ABCG2: variants seen among roughly 807,000 people sequenced by gnomAD.
The protein encoded by ABCG2 is broad substrate specificity ATP-binding cassette transporter ABCG2.
ABCG2 carries 80 observed loss-of-function variants against 73.5 expected under a neutral mutation model. The ratio of observed to expected loss-of-function variants is 1.09; its 90% CI spans 0.91 to 1.31. ABCG2 has a LOEUF of 1.31. Ranked by LOEUF, ABCG2 falls within the 50% of genes most tolerant of loss-of-function variation. The pLI, the probability that ABCG2 is intolerant of heterozygous loss-of-function variation, is 0.00. For synonymous variants in ABCG2, 269 were observed against 282.4 expected (o/e 0.95, Z 0.48); for missense variants, 796 against 786.2 (o/e 1.01, Z -0.15).
chr4:88,212,443 G>A (rs1578282676), intron 1 of ABCG2, among the ~76,000 whole-genome samples: 1 of 152,032 alleles, frequency 6.6e-6, no homozygotes, highest in African/African-American at 2.4e-5. Context: ...CTCCGAAAAC[G>A]ATCTCCCCAG....
intron 1 of ABCG2, among the ~76,000 whole-genome samples, chr4:88,181,214 A>G (rs1728220112): frequency 6.6e-6 from 1 of 151,634 alleles, no homozygotes. Context: ...AGCCTGGCCA[A>G]CATGGTGAAA....
In ABCG2 at chr4:88,113,472, TAGA is replaced by T; in HGVS notation, c.1022_1024del (p.Phe341del). Reference sequence around the variant, plus strand: ...ATGTAATTCAGCTTTTGTCTCTTTGTAGAAGGAGGAGTTGACATAAATCTCCGC... The same window carrying T: ...ATGTAATTCAGCTTTTGTCTCTTTGTAGGAGGAGTTGACATAAATCTCCGC... On this transcript the variant is annotated inframe_deletion, in exon 9 of 16. Coordinates refer to ENST00000237612, the MANE Select transcript of ABCG2 (RefSeq NM_004827.3). The T allele has an allele frequency of 6.2e-7, 1 of 1,614,148 alleles. No homozygotes were observed.
intron 10 of ABCG2, among the ~76,000 whole-genome samples, chr4:88,104,547 T>C (rs1454501529): frequency 6.6e-6 from 1 of 152,140 alleles, no homozygotes; most frequent in East Asian, 1.9e-4. Context: ...AAATAGCTAA[T>C]GCATACTGGG....
At chr4:88,134,077 C>T (rs973770396) in intron 2 of ABCG2, among the ~76,000 whole-genome samples, 3 of 151,880 alleles carry the variant, frequency 2.0e-5, no homozygotes, top group Admixed American at 2.0e-4. Context: ...GGTATCTATG[C>T]CCATTCTCTC....
chr4:88,159,037 C>G (rs1191271696), upstream of ABCG2: 1 of 417,218 alleles, frequency 2.4e-6, no homozygotes, highest in Non-Finnish European at 4.8e-6. Context: ...CGTGTCCTGC[C>G]GCGCTGAGCC....
chr4:88,115,568 G>A (rs1359025391), intron 7 of ABCG2, among the ~76,000 whole-genome samples: 1 of 148,462 alleles, frequency 6.7e-6, no homozygotes, highest in African/African-American at 2.5e-5. Context: ...ACAGGCATGA[G>A]CTACTGTTCC....
chr4:88,198,028 CAA>C (rs34030026), intron 1 of ABCG2, among the ~76,000 whole-genome samples: 25 of 115,504 alleles, frequency 2.2e-4, no homozygotes, highest in Admixed American at 3.8e-4. Context: ...AGACTGTCTC[CAA>C]AAAAAAAAAA....
intron 1 of ABCG2, among the ~76,000 whole-genome samples, chr4:88,187,093 CAAAAAAAAAAAAAA>C (rs61116461): frequency 4.4e-5 from 2 of 45,194 alleles, no homozygotes; most frequent in Admixed American, 4.3e-4. Context: ...GATTCTGTCT[CAAAAAAAAAAAAAA>C]AAAAAAAAAA....
intron 10 of ABCG2, among the ~76,000 whole-genome samples, chr4:88,104,066 A>T (rs1722616647): frequency 6.6e-6 from 1 of 152,226 alleles, no homozygotes; most frequent in African/African-American, 2.4e-5. Context: ...AATATCTAGA[A>T]GTGAGATGAC....
At chr4:88,216,106 T>G (rs17013943) in intron 1 of ABCG2, among the ~76,000 whole-genome samples, 5,967 of 152,244 alleles carry the variant, frequency 0.039, 386 homozygotes, top group African/African-American at 0.14. Context: ...TAAACCCACT[T>G]AGGTGTGACT....
chr4:88,127,430 T>C (rs1724507567), intron 5 of ABCG2, among the ~76,000 whole-genome samples: 1 of 152,038 alleles, frequency 6.6e-6, no homozygotes, highest in Admixed American at 6.6e-5. Context: ...ACTTTAAATT[T>C]CATATGGAAC....
intron 1 of ABCG2, among the ~76,000 whole-genome samples, chr4:88,175,550 A>G (rs1727928958): frequency 6.6e-6 from 1 of 152,224 alleles, no homozygotes; most frequent in Non-Finnish European, 1.5e-5. Context: ...TTTTCAAAAT[A>G]ACAAGTGTGA....
At position 88,096,113 on chromosome 4, in the gene ABCG2, C is replaced by T. The variant is rs1721966818; in HGVS notation, c.1648-504G>A. 2.0e-5 allele frequency among the ~76,000 whole-genome samples: 3 copies of T among 152,178 alleles called. No homozygotes were observed. The South Asian group carries it at 6.2e-4, about 32-fold the overall frequency. On this transcript the variant is annotated intron_variant, in intron 13 of 15. Coordinates refer to ENST00000237612, the MANE Select transcript of ABCG2 (RefSeq NM_004827.3). Reference sequence around the variant, plus strand: ...ATGACTTTAGCAAGGATATGAGGTTCTGAATGCAGGCTTAACATAACCCAA... The same window carrying T: ...ATGACTTTAGCAAGGATATGAGGTTTTGAATGCAGGCTTAACATAACCCAA...
intron 1 of ABCG2, among the ~76,000 whole-genome samples, chr4:88,166,905 T>C (rs1187212709): frequency 2.6e-5 from 4 of 152,094 alleles, no homozygotes; most frequent in Non-Finnish European, 5.9e-5. Context: ...GATACTGGCA[T>C]TTAATATTCA....
intron 1 of ABCG2, among the ~76,000 whole-genome samples, chr4:88,168,869 A>AAC (rs1249819024): frequency 1.3e-5 from 2 of 151,840 alleles, no homozygotes; most frequent in African/African-American, 4.8e-5. Flanking sequence ...TCAGATTAAA[A>AAC]AAAAAAAAAT....
chr4:88,158,755 G>T, upstream of ABCG2: 1 of 385,036 alleles, frequency 2.6e-6, no homozygotes, highest in South Asian at 1.9e-5. Flanking sequence ...CCCTCGCGCG[G>T]CGGCCGGCGT....
Position 88,118,211 on chromosome 4 carries a change from A to G in ABCG2, c.739T>C (p.Tyr247His). ...CTATCAAACAACTTGAAGATGGAATATCGAGGCTGATGAATGGAGAAGATG... is the reference window on the plus strand; with the variant it reads ...CTATCAAACAACTTGAAGATGGAATGTCGAGGCTGATGAATGGAGAAGATG... ...TIIFSIHQPR[Y>H]SIFKLFDSLT... The change falls in exon 7 of 16, where the codon TAT becomes CAT. Residue 247 changes from tyrosine to histidine, a missense_variant. Physicochemically the swap from Tyr to His is moderately conservative, Grantham distance 83. Transcript: ENST00000237612. 1 of 1,614,206 alleles carries G rather than the reference A, an allele frequency of 6.2e-7. No individual in the cohort carries two copies. Among genetic ancestry groups the G allele is most frequent in the Non-Finnish European group, 8.5e-7 (1 of 1,180,006 alleles).
intron 10 of ABCG2, among the ~76,000 whole-genome samples, chr4:88,104,646 T>C (rs1247453933): frequency 1.6e-5 from 2 of 121,314 alleles, no homozygotes; most frequent in Non-Finnish European, 1.8e-5. Context: ...CCTGCACATG[T>C]ACCCTAGAGC....
intron 1 of ABCG2, among the ~76,000 whole-genome samples, chr4:88,225,894 A>G (rs1730191686): frequency 6.6e-6 from 1 of 152,170 alleles, no homozygotes; most frequent in Admixed American, 6.5e-5. Flanking sequence ...GAAGACAGAA[A>G]ATGAGAGGCA....
Sources: allele counts gnomAD v4.1 joint callset (sites outside exome capture counted in the v4.1 genomes callset), GRCh38; gene constraint gnomAD v4.1.1; transcripts MANE v1.5; gene names NCBI Gene and HGNC (gene_info 2026-07-23, HGNC 2026-07-21).